Variants in DCHS2 observed in about 807,000 individuals in gnomAD.
The protein encoded by DCHS2 is protocadherin-23.
DCHS2 carries 142 observed loss-of-function variants against 182.4 expected under a neutral mutation model. That is an observed-to-expected ratio of 0.78 (90% confidence interval 0.68 to 0.89). DCHS2 has a LOEUF of 0.89. DCHS2 is among the 40% of genes least tolerant of loss of function. DCHS2 has a pLI of 0.00. For missense variants in DCHS2, 4,319 were observed against 4,198.6 expected (o/e 1.03, Z -0.79); for synonymous variants, 1,740 against 1,663.3 (o/e 1.05, Z -1.12).
intron 1 of DCHS2, among the ~76,000 whole-genome samples, chr4:154,451,433 T>A (rs1350981434): frequency 6.6e-6 from 1 of 152,078 alleles, no homozygotes; most frequent in Non-Finnish European, 1.5e-5. Flanking sequence ...CACTATCAAA[T>A]GGAAGTGTTA....
chr4:154,318,209 T>C (rs116218035), intron 9 of DCHS2, among the ~76,000 whole-genome samples: 3 of 151,286 alleles, frequency 2.0e-5, no homozygotes, highest in East Asian at 1.9e-4. Context: ...TTTATATATA[T>C]ATGCATACGT....
chr4:154,314,588 T>C lies in DCHS2; in HGVS notation c.5260+1160A>G, dbSNP rs150120506. ...CAGTGTTTTCCAAGAGGGCAAAGTA[T>C]TCAAATATTTTATAATTTACTTTAA... is the stretch of plus-strand genomic sequence containing the variant. On this transcript the variant is annotated intron_variant, in intron 10 of 19. Transcript: ENST00000357232. Among the ~76,000 whole-genome samples, 328 of 152,320 alleles carry C rather than the reference T, an allele frequency of 2.2e-3. 5 individuals are homozygous for C. The South Asian group carries it at 0.031, about 15-fold the overall frequency.
intron 12 of DCHS2, among the ~76,000 whole-genome samples, chr4:154,304,019 T>C (rs1162645508): frequency 1.3e-5 from 2 of 151,940 alleles, no homozygotes; most frequent in African/African-American, 4.8e-5. Flanking sequence ...TAAAAGTTAT[T>C]CGCAGGTACC....
At chr4:154,272,194 T>G (rs1330071105) in intron 13 of DCHS2, 3 of 152,134 alleles carry the variant, frequency 2.0e-5, no homozygotes, top group East Asian at 3.9e-4. Flanking sequence ...TATTTCCAGT[T>G]TTTGGCTATT....
At position 154,333,387 on chromosome 4, in the gene DCHS2, C is replaced by A. The variant is rs777344874; in HGVS notation, c.2821G>T (p.Glu941Ter). The A allele has an allele frequency of 1.2e-6, 2 of 1,614,096 alleles. No homozygotes were observed. The highest frequency in any genetic ancestry group is 1.7e-6 in the Non-Finnish European group (2 of 1,180,026). The change falls in exon 5 of 20, where the codon GAG becomes TAG. Residue 941 changes from glutamate (E) to a stop codon, truncating the protein, a stop_gained. Transcript: ENST00000357232. LOFTEE classifies it high-confidence loss of function. ...GTGAGCACAACCACGGGCTGCGTCT[C>A]GTGATCCAGGGGCTTCCGGGTGCGA... ...TIRTRKPLDH[E>*]TQPVVVLTVQ...
At chr4:154,448,226 G>A (rs1049911390) in intron 1 of DCHS2, among the ~76,000 whole-genome samples, 3 of 152,056 alleles carry the variant, frequency 2.0e-5, no homozygotes, top group African/African-American at 4.8e-5. Flanking sequence ...ACATGTGGGC[G>A]CTCCTCTCTC....
rs1293018206 is a variant in DCHS2 at position 154,281,115 on chromosome 4, G to C, written c.6464-11102C>G. 7.9e-5 allele frequency among the ~76,000 whole-genome samples: 12 copies of C among 151,870 alleles called. 1 individual carries two copies. Among genetic ancestry groups the C allele is most frequent in the Non-Finnish European group, 1.8e-4 (12 of 67,896 alleles). Reference sequence around the variant, plus strand: ...GTGCTGGGATTACAGGTGTGAGCCAGTATGCCCAGCCAGAATGCCCACTAT... The same window carrying C: ...GTGCTGGGATTACAGGTGTGAGCCACTATGCCCAGCCAGAATGCCCACTAT... On this transcript the variant is annotated intron_variant, in intron 13 of 19. Transcript: ENST00000357232.
intron 1 of DCHS2, among the ~76,000 whole-genome samples, chr4:154,386,763 G>T (rs967737199): frequency 6.6e-6 from 1 of 152,060 alleles, no homozygotes; most frequent in Admixed American, 6.6e-5. Flanking sequence ...ATACAAGCAC[G>T]TTTAAGAAAT....
rs1172631144 is a variant in DCHS2 at position 154,491,365 on chromosome 4, A to G, written c.-10T>C. On this transcript the variant is annotated 5_prime_UTR_variant, in exon 1 of 20. Coordinates refer to ENST00000357232, the MANE Select transcript of DCHS2 (RefSeq NM_001358235.2). ...GCCCACAAGGGCTCATTTCTCCTCCAGCTCCTTGGGAAGGCTCTCGGGTAA... is the reference window on the plus strand; with the variant it reads ...GCCCACAAGGGCTCATTTCTCCTCCGGCTCCTTGGGAAGGCTCTCGGGTAA... The G allele has an allele frequency of 6.6e-7, 1 of 1,505,416 alleles. No homozygotes were observed. The highest frequency in any genetic ancestry group is 1.4e-5 in the African/African-American group (1 of 71,682). 93.3% of individuals were successfully genotyped at this position (1,505,416 alleles called of 1,614,324 possible).
intron 1 of DCHS2, among the ~76,000 whole-genome samples, chr4:154,392,140 C>T (rs1006582855): frequency 6.6e-6 from 1 of 152,148 alleles, no homozygotes; most frequent in African/African-American, 2.4e-5. Context: ...TCTTCCCACT[C>T]CACCCACAAA....
intron 1 of DCHS2, among the ~76,000 whole-genome samples, chr4:154,392,421 G>A (rs1278223497): frequency 1.3e-5 from 2 of 152,064 alleles, no homozygotes; most frequent in Non-Finnish European, 1.5e-5. Context: ...GAAACCCATC[G>A]TTTTAAAAAA....
intron 3 of DCHS2, among the ~76,000 whole-genome samples, chr4:154,343,261 C>G (rs1032822459): frequency 6.6e-6 from 1 of 152,112 alleles, no homozygotes. Flanking sequence ...TTCTTAAGAG[C>G]CCTAGGACTT....
chr4:154,371,365 C>T (rs1428041661), intron 2 of DCHS2, among the ~76,000 whole-genome samples: 1 of 152,126 alleles, frequency 6.6e-6, no homozygotes, highest in African/African-American at 2.4e-5. Flanking sequence ...GATTGGTGGA[C>T]TATGGGCTTC....
In DCHS2 at chr4:154,322,458, G is replaced by T; in HGVS notation, c.4049C>A (p.Ala1350Asp). ...EDSSDHFKID[A>D]NNGEIRTTTI... is the part of the protein sequence containing the mutation. Reference sequence around the variant, plus strand: ...GGTTGTTCTTATTTCACCATTGTTGGCGTCAATCTTAAAGTGATCAGAACT... The same window carrying T: ...GGTTGTTCTTATTTCACCATTGTTGTCGTCAATCTTAAAGTGATCAGAACT... Residue 1350 changes from alanine (A) to aspartate (D), a missense_variant, in exon 8 of 20, where the codon GCC becomes GAC. Physicochemically the swap from Ala to Asp is moderately radical, Grantham distance 126. Transcript: ENST00000357232. 1.9e-6 allele frequency: 3 copies of T among 1,613,270 alleles called. No homozygotes were observed. The highest frequency in any genetic ancestry group is 2.5e-6 in the Non-Finnish European group (3 of 1,179,616).
At chr4:154,365,731 C>T (rs1390507846) in intron 3 of DCHS2, among the ~76,000 whole-genome samples, 1 of 151,932 alleles carries the variant, frequency 6.6e-6, no homozygotes, top group Non-Finnish European at 1.5e-5. Context: ...CTCACTGCAA[C>T]CTCGGTTTCC....
chr4:154,417,026 C>T (rs1732859785), intron 1 of DCHS2, among the ~76,000 whole-genome samples: 1 of 152,174 alleles, frequency 6.6e-6, no homozygotes, highest in Admixed American at 6.5e-5. Context: ...CCAAGCGGCA[C>T]TATTTTACTA....
At position 154,414,194 on chromosome 4, in the gene DCHS2, T is replaced by TAGAG. The variant is rs546114876; in HGVS notation, c.2053-36751_2053-36750insCTCT. Among the ~76,000 whole-genome samples, 649 of 142,788 alleles carry TAGAG rather than the reference T, an allele frequency of 4.5e-3. 7 individuals carry two copies. Among genetic ancestry groups the TAGAG allele is most frequent in the African/African-American group, 0.016 (578 of 36,080 alleles). The allele number at this position is 142,788 out of a possible 152,430, so 93.7% of individuals were successfully genotyped here. On this transcript the variant is annotated intron_variant, in intron 1 of 19. Coordinates refer to ENST00000357232, the MANE Select transcript of DCHS2 (RefSeq NM_001358235.2). ...AATAAATCAATTATATATATATATA[T>TAGAG]ATAGAGAGAGAGAGATATAGATATA...
chr4:154,388,696 G>A (rs1294603473), intron 1 of DCHS2, among the ~76,000 whole-genome samples: 5 of 151,838 alleles, frequency 3.3e-5, no homozygotes, highest in South Asian at 4.2e-4. Context: ...GGGTTTCACC[G>A]TGTTAGCCAG....
intron 1 of DCHS2, chr4:154,486,669 T>C: frequency 1.7e-6 from 1 of 580,162 alleles, no homozygotes; most frequent in Non-Finnish European, 2.6e-6. Flanking sequence ...CAAAGTGGTA[T>C]AAAGAAAGAT....
Sources: gnomAD v4.1 joint callset for allele counts (sites outside exome capture counted in the v4.1 genomes callset) on GRCh38, gnomAD v4.1.1 for gene constraint, MANE v1.5 for transcripts, NCBI Gene and HGNC (gene_info 2026-07-23, HGNC 2026-07-21) for gene names.